The following EFNA5 variants were observed in gnomAD, a reference collection of about 807,000 sequenced individuals.
EFNA5 encodes ephrin A5, also known as ephrin-A5.
EFNA5 carries 5 observed loss-of-function variants against 22.9 expected under a neutral mutation model. The ratio of observed to expected loss-of-function variants is 0.22; its 90% confidence interval spans 0.11 to 0.46. The LOEUF (loss-of-function observed/expected upper bound fraction) is 0.46, where lower values mean the gene tolerates loss of function less well. Among genes scored for constraint, EFNA5 ranks in the 20% least tolerant of loss-of-function variants. The probability of loss-of-function intolerance (pLI) is 0.99; values close to 1 mark genes in which losing one functional copy is unlikely to be tolerated. For missense variants in EFNA5, 237 were observed against 293.3 expected (o/e 0.81, Z 1.40); for synonymous variants, 113 against 112.2 (o/e 1.01, Z -0.04).
At chr5:107,536,068 A>G (rs946689708) in intron 1 of EFNA5, among the ~76,000 whole-genome samples, 21 of 152,304 alleles carry the variant, frequency 1.4e-4, no homozygotes, top group Middle Eastern at 3.4e-3. Context: ...GCCAGTTTGC[A>G]TACTTTTATC....
At chr5:107,420,522 T>TAAAAA (rs368304882) in intron 2 of EFNA5, among the ~76,000 whole-genome samples, 2 of 109,064 alleles carry the variant, frequency 1.8e-5, no homozygotes, top group African/African-American at 7.5e-5. Flanking sequence ...TCTGTGCTTT[T>TAAAAA]AAAAAAAAAA....
intron 1 of EFNA5, among the ~76,000 whole-genome samples, chr5:107,596,608 C>A (rs184459020): frequency 1.3e-5 from 2 of 152,166 alleles, no homozygotes; most frequent in African/African-American, 4.8e-5. Flanking sequence ...TGATGACTTT[C>A]CTTTTTTAAA....
intron 1 of EFNA5, among the ~76,000 whole-genome samples, chr5:107,515,086 A>G (rs1282420069): frequency 6.6e-6 from 1 of 152,202 alleles, no homozygotes; most frequent in Non-Finnish European, 1.5e-5. Context: ...AGATGGTCCC[A>G]ATCAACTAGA....
At chr5:107,523,156 T>G (rs1194221871) in intron 1 of EFNA5, among the ~76,000 whole-genome samples, 1 of 152,228 alleles carries the variant, frequency 6.6e-6, no homozygotes, top group Non-Finnish European at 1.5e-5. Context: ...ATTTCTCCTC[T>G]TTTAGTGTGT....
chr5:107,509,292 G>A (rs114174494), intron 1 of EFNA5, among the ~76,000 whole-genome samples: 1,706 of 151,822 alleles, frequency 0.011, 25 homozygotes, highest in African/African-American at 0.037. Context: ...AAGAGCAAAA[G>A]TGAGTGTCAA....
rs1412971066 is a variant in EFNA5 at position 107,619,022 on chromosome 5, T to C, written c.125+51467A>G. Among the ~76,000 whole-genome samples, 3 of 151,266 alleles carry C rather than the reference T, an allele frequency of 2.0e-5. No homozygotes were observed. The East Asian group carries it at 6.0e-4, about 30-fold the overall frequency. ...CTGCAAGCTCTGCCTCCCGGGTTCA[T>C]GCCATTCTCCTGCCTCAGCCTCCCG... is the stretch of plus-strand genomic sequence containing the variant. On this transcript the variant is annotated intron_variant, in intron 1 of 4. Transcript: ENST00000333274.
chr5:107,579,715 T>C (rs1280098305), intron 1 of EFNA5, among the ~76,000 whole-genome samples: 1 of 152,190 alleles, frequency 6.6e-6, no homozygotes, highest in African/African-American at 2.4e-5. Context: ...GAATTCATCA[T>C]TTAGTTGAAA....
chr5:107,475,558 C>CA (rs1333518768), intron 1 of EFNA5, among the ~76,000 whole-genome samples: 1 of 152,170 alleles, frequency 6.6e-6, no homozygotes, highest in Non-Finnish European at 1.5e-5. Context: ...CTAAGGCTTT[C>CA]AGTAGCACAA....
At chr5:107,569,574 T>TATAA (rs1561435999) in intron 1 of EFNA5, among the ~76,000 whole-genome samples, 1 of 127,058 alleles carries the variant, frequency 7.9e-6, no homozygotes, top group Non-Finnish European at 1.6e-5. Flanking sequence ...TATATATATA[T>TATAA]ATATATATAT....
At chr5:107,501,900 G>A (rs1284233867) in intron 1 of EFNA5, among the ~76,000 whole-genome samples, 1 of 152,182 alleles carries the variant, frequency 6.6e-6, no homozygotes, top group Middle Eastern at 3.2e-3. Flanking sequence ...CTAGAATCCT[G>A]TGAAATTTTC....
At chr5:107,400,977 C>T (rs538522124) in intron 2 of EFNA5, among the ~76,000 whole-genome samples, 1 of 152,212 alleles carries the variant, frequency 6.6e-6, no homozygotes, top group African/African-American at 2.4e-5. Context: ...AGATGGATAA[C>T]AAAAGATTGA....
intron 2 of EFNA5, among the ~76,000 whole-genome samples, chr5:107,424,198 ATT>A (rs70996959): frequency 5.4e-4 from 52 of 95,690 alleles, no homozygotes; most frequent in Non-Finnish European, 8.7e-4. Context: ...TCTTTCTTTC[ATT>A]TTTTTTTTTT....
At chr5:107,405,123 G>A (rs1334930867) in intron 2 of EFNA5, among the ~76,000 whole-genome samples, 1 of 152,138 alleles carries the variant, frequency 6.6e-6, no homozygotes, top group Admixed American at 6.5e-5. Flanking sequence ...GGAAGAACCG[G>A]CAGCGATACT....
chr5:107,532,193 G>A (rs996838814), intron 1 of EFNA5, among the ~76,000 whole-genome samples: 1 of 152,230 alleles, frequency 6.6e-6, no homozygotes, highest in African/African-American at 2.4e-5. Context: ...AGAAGAAACT[G>A]GGGTTAAGAG....
intron 1 of EFNA5, among the ~76,000 whole-genome samples, chr5:107,532,796 G>A (rs1442757997): frequency 6.6e-6 from 1 of 152,170 alleles, no homozygotes; most frequent in Non-Finnish European, 1.5e-5. Context: ...GTGAAGCAGA[G>A]AATATTTTAA....
At chr5:107,399,732 G>A (rs919349162) in intron 2 of EFNA5, among the ~76,000 whole-genome samples, 18 of 152,196 alleles carry the variant, frequency 1.2e-4, no homozygotes, top group Non-Finnish European at 1.8e-4. Flanking sequence ...AAACTGTGCT[G>A]AGGGATACAA....
intron 1 of EFNA5, among the ~76,000 whole-genome samples, chr5:107,621,868 T>C (rs888564310): frequency 1.3e-5 from 2 of 152,172 alleles, no homozygotes; most frequent in African/African-American, 2.4e-5. Context: ...AGTTTGGTTT[T>C]AGATGAGCTG....
intron 1 of EFNA5, among the ~76,000 whole-genome samples, chr5:107,433,516 A>G (rs1471875263): frequency 6.6e-6 from 1 of 152,224 alleles, no homozygotes; most frequent in African/African-American, 2.4e-5. Context: ...GTGCTTCTGG[A>G]AAGTGTGTTT....
At chr5:107,519,408 A>G (rs1377495343) in intron 1 of EFNA5, among the ~76,000 whole-genome samples, 1 of 152,230 alleles carries the variant, frequency 6.6e-6, no homozygotes, top group Non-Finnish European at 1.5e-5. Flanking sequence ...AATAAAAACA[A>G]TCTTGTCTTG....
Sources: gnomAD v4.1 joint callset for allele counts (sites outside exome capture counted in the v4.1 genomes callset) on GRCh38, gnomAD v4.1.1 for gene constraint, MANE v1.5 for transcripts, NCBI Gene and HGNC (gene_info 2026-07-23, HGNC 2026-07-21) for gene names.